PTK2: variants seen among roughly 807,000 people sequenced by gnomAD.
PTK2 encodes the protein protein tyrosine kinase 2.
In PTK2, 45 loss-of-function variants were observed where a neutral mutation model predicts 150.1. The ratio of observed to expected loss-of-function variants is 0.30; its 90% CI spans 0.24 to 0.38. PTK2 has a LOEUF of 0.38. Among genes scored for constraint, PTK2 ranks in the 10% least tolerant of loss-of-function variants. The pLI is 1.00. For missense variants in PTK2, 919 were observed against 1,307.3 expected, an observed-to-expected ratio of 0.70 and a Z score of 4.58; for synonymous variants, 432 against 449.2, an observed-to-expected ratio of 0.96 and a Z score of 0.48.
intron 1 of PTK2, among the ~76,000 whole-genome samples, chr8:140,950,834 G>A (rs1251043080): frequency 6.6e-6 from 1 of 152,128 alleles, no homozygotes; most frequent in African/African-American, 2.4e-5. Flanking sequence ...GACATACATA[G>A]GTTATATGCA....
chr8:140,927,958 G>GAAAAAAAAAAAAAAA (rs57931737), intron 1 of PTK2, among the ~76,000 whole-genome samples: 40 of 63,620 alleles, frequency 6.3e-4, no homozygotes, highest in Middle Eastern at 0.013. Context: ...AAAAAAAAAA[G>GAAAAAAAAAAAAAAA]AAAAAAAAAA....
At chr8:140,933,190 GAAA>G (rs57085667) in intron 1 of PTK2, among the ~76,000 whole-genome samples, 5 of 140,944 alleles carry the variant, frequency 3.5e-5, no homozygotes, top group African/African-American at 2.6e-5. Flanking sequence ...CAACAGTAAT[GAAA>G]AAAAAAAAAA....
Position 140,846,256 on chromosome 8 carries a change from T to C in PTK2, c.593+4A>G, listed in dbSNP as rs2100125397. 1 of 1,601,986 alleles carries C rather than the reference T, an allele frequency of 6.2e-7. No individual in the cohort carries two copies. The highest frequency in any genetic ancestry group is 8.5e-7 in the Non-Finnish European group (1 of 1,170,652). ...CAGGTATAGATTGTAAGTACAATAC[T>C]TACTCTAATACTTCATAGTTAGACT... On this transcript the variant is annotated splice_donor_region_variant and intron_variant, in intron 7 of 31. Transcript: ENST00000522684.
chr8:140,793,428 C>T, intron 12 of PTK2, 44 bp from the exon 13 acceptor site: 1 of 1,593,432 alleles, frequency 6.3e-7, no homozygotes, highest in Non-Finnish European at 8.5e-7. Flanking sequence ...CTTTTCACTC[C>T]TTTTGAAAAG....
intron 10 of PTK2, among the ~76,000 whole-genome samples, chr8:140,810,984 C>T (rs1014287694): frequency 6.6e-6 from 1 of 152,224 alleles, no homozygotes; most frequent in Non-Finnish European, 1.5e-5. Flanking sequence ...GCTGCTACTG[C>T]CACTGTAGTG....
chr8:140,928,685 A>C (rs999871179), intron 1 of PTK2, among the ~76,000 whole-genome samples: 2 of 152,242 alleles, frequency 1.3e-5, no homozygotes, highest in Admixed American at 1.3e-4. Flanking sequence ...TAAGCCAGTC[A>C]CAAAAGAATA....
intron 2 of PTK2, among the ~76,000 whole-genome samples, chr8:140,910,053 T>C (rs1218935787): frequency 2.0e-5 from 3 of 152,192 alleles, no homozygotes; most frequent in South Asian, 4.1e-4. Flanking sequence ...TACAACTCCA[T>C]TATGAAGTTA....
intron 2 of PTK2, among the ~76,000 whole-genome samples, chr8:140,912,281 G>C (rs533139846): frequency 6.7e-6 from 1 of 148,930 alleles, no homozygotes; most frequent in Non-Finnish European, 1.5e-5. Flanking sequence ...AAAAAATCAG[G>C]ATAATATGTC....
At chr8:140,917,307 G>C (rs574679797) in intron 2 of PTK2, among the ~76,000 whole-genome samples, 1 of 150,840 alleles carries the variant, frequency 6.6e-6, no homozygotes. Flanking sequence ...AGAACTGCTT[G>C]AACCAGCCTG....
intron 8 of PTK2, among the ~76,000 whole-genome samples, chr8:140,823,929 C>T (rs1173764502): frequency 2.0e-5 from 3 of 152,222 alleles, no homozygotes; most frequent in Non-Finnish European, 4.4e-5. Context: ...AACCCAACAA[C>T]TCTCTACCCT....
chr8:140,745,527 G>A (rs1329263177), intron 18 of PTK2, among the ~76,000 whole-genome samples: 1 of 152,166 alleles, frequency 6.6e-6, no homozygotes, highest in Non-Finnish European at 1.5e-5. Context: ...GGTGGAGGAG[G>A]AAGAGATGTT....
chr8:140,682,802 A>T (rs1025403874), intron 27 of PTK2, among the ~76,000 whole-genome samples: 6 of 152,206 alleles, frequency 3.9e-5, no homozygotes, highest in African/African-American at 1.4e-4. Context: ...CTTTGAAACT[A>T]ATAAGTACAA....
At chr8:140,730,000 A>G (rs142569570) in intron 22 of PTK2, among the ~76,000 whole-genome samples, 22 of 152,368 alleles carry the variant, frequency 1.4e-4, no homozygotes, top group African/African-American at 4.8e-4. Flanking sequence ...GCCAACAGAC[A>G]TTGCTCTATA....
intron 24 of PTK2, among the ~76,000 whole-genome samples, chr8:140,703,256 C>A (rs1054247277): frequency 6.6e-6 from 1 of 151,632 alleles, no homozygotes; most frequent in Non-Finnish European, 1.5e-5. Context: ...GAGAGAGACT[C>A]CGTCTCAAAA....
intron 2 of PTK2, among the ~76,000 whole-genome samples, chr8:140,902,725 TTTTCA>T (rs1235492276): frequency 6.6e-6 from 1 of 152,214 alleles, no homozygotes; most frequent in Non-Finnish European, 1.5e-5. Context: ...GATGAGCTTT[TTTTCA>T]TATGTTTATT....
At chr8:140,659,061 A>G (rs1029132472) in exon 32 of PTK2, 4 of 234,464 alleles carry the variant, frequency 1.7e-5, no homozygotes, top group African/African-American at 6.6e-5. Flanking sequence ...GGTTTCCTGG[A>G]ATTCTTTGCT....
intron 14 of PTK2, among the ~76,000 whole-genome samples, chr8:140,767,511 G>A (rs1022678369): frequency 6.6e-6 from 1 of 151,912 alleles, no homozygotes; most frequent in African/African-American, 2.4e-5. Context: ...TTGAAGACAG[G>A]TTCTTGCTCT....
chr8:140,953,706 G>A (rs146408390), intron 1 of PTK2, among the ~76,000 whole-genome samples: 45 of 152,218 alleles, frequency 3.0e-4, no homozygotes, highest in Non-Finnish European at 5.4e-4. Context: ...CAGACTGGGG[G>A]GAGGGAGCTG....
chr8:140,689,951 TTTTA>T (rs1564426186), intron 26 of PTK2, among the ~76,000 whole-genome samples: 1 of 152,168 alleles, frequency 6.6e-6, no homozygotes, highest in African/African-American at 2.4e-5. Flanking sequence ...TATTTTCATT[TTTTA>T]TTTATTTATT....
Sources: gnomAD v4.1 joint callset for allele counts (sites outside exome capture counted in the v4.1 genomes callset) on GRCh38, gnomAD v4.1.1 for gene constraint, MANE v1.5 for transcripts, NCBI Gene and HGNC (gene_info 2026-07-23, HGNC 2026-07-21) for gene names.